The following ERC1 variants were observed in gnomAD, a reference collection of about 807,000 sequenced individuals.
ERC1 encodes the protein ELKS/RAB6-interacting/CAST family member 1, also known as RAB6 interacting protein 2.
Under a neutral mutation model 132.0 loss-of-function variants are expected in ERC1, and 56 were observed. The ratio of observed to expected loss-of-function variants is 0.42; its 90% CI spans 0.34 to 0.53. The LOEUF (loss-of-function observed/expected upper bound fraction) is 0.53. Among genes scored for constraint, ERC1 ranks in the 20% least tolerant of loss-of-function variants. The pLI is 0.03. For synonymous variants in ERC1, 478 were observed against 476.1 expected (o/e 1.00, Z -0.05); for missense variants, 1,202 against 1,349.9 (o/e 0.89, Z 1.72).
intron 2 of ERC1, among the ~76,000 whole-genome samples, chr12:1,036,313 T>C (rs1969064405): frequency 6.6e-6 from 1 of 152,078 alleles, no homozygotes; most frequent in African/African-American, 2.4e-5. Context: ...ATTTATATAA[T>C]TTTAGGTTGT....
intron 2 of ERC1, among the ~76,000 whole-genome samples, chr12:1,047,024 C>T (rs1592927944): frequency 6.6e-6 from 1 of 152,312 alleles, no homozygotes; most frequent in East Asian, 1.9e-4. Context: ...GCATTAATTA[C>T]TTCATGATGC....
chr12:1,291,281 G>A (rs1000621861), intron 15 of ERC1, among the ~76,000 whole-genome samples: 5 of 152,142 alleles, frequency 3.3e-5, no homozygotes, highest in Admixed American at 6.5e-5. Flanking sequence ...AAGTGAAGCC[G>A]GAAGTGGATT....
intron 12 of ERC1, among the ~76,000 whole-genome samples, chr12:1,233,113 C>T (rs1167769485): frequency 1.3e-5 from 2 of 152,142 alleles, no homozygotes; most frequent in East Asian, 3.8e-4. Context: ...GTGAACTCTA[C>T]ACACAGAAGA....
At position 1,213,720 on chromosome 12, in the gene ERC1, A is replaced by G. The variant is rs1958096015; in HGVS notation, c.2352-23049A>G. Reference sequence around the variant, plus strand: ...GCCACTGCACTCCACCCTAGGCGACATAGCAAGACTCCATCTCAAAAAAAA... The same window carrying G: ...GCCACTGCACTCCACCCTAGGCGACGTAGCAAGACTCCATCTCAAAAAAAA... On this transcript the variant is annotated intron_variant, in intron 12 of 18. Transcript: ENST00000360905. Among the ~76,000 whole-genome samples, 5 of 147,440 alleles carry G rather than the reference A, an allele frequency of 3.4e-5. No individual in the cohort carries two copies. The South Asian group carries it at 8.8e-4, about 26-fold the overall frequency.
chr12:1,240,071 A>G (rs2075693410), intron 13 of ERC1, among the ~76,000 whole-genome samples: 1 of 152,238 alleles, frequency 6.6e-6, no homozygotes, highest in African/African-American at 2.4e-5. Flanking sequence ...AAGGATGGAC[A>G]GAGGAGCAAG....
rs190001443 is a variant in ERC1, at chr12:1,363,324, T to C, written c.2781-8509T>C. ...GTCTTCTAAACTTGCCATAATCTTA[T>C]GAACATGCTCATTTTTCAGAAAAGG... On this transcript the variant is annotated intron_variant, in intron 15 of 18. Coordinates refer to ENST00000360905, the MANE Select transcript of ERC1 (RefSeq NM_178040.4). Among the ~76,000 whole-genome samples the C allele has an allele frequency of 6.5e-3, 992 of 152,282 alleles. 11 individuals are homozygous for C. Among genetic ancestry groups the C allele is most frequent in the African/African-American group, 0.023 (951 of 41,562 alleles).
At chr12:1,479,762 G>T (rs1405803901) in intron 18 of ERC1, among the ~76,000 whole-genome samples, 2 of 152,094 alleles carry the variant, frequency 1.3e-5, no homozygotes, top group African/African-American at 4.8e-5. Flanking sequence ...CAGGAGTGTG[G>T]GTGCTCCTGA....
chr12:1,216,004 T>C (rs947113773), intron 12 of ERC1, among the ~76,000 whole-genome samples: 3 of 152,174 alleles, frequency 2.0e-5, no homozygotes, highest in South Asian at 2.1e-4. Context: ...CAGAATCTTA[T>C]TGGTTAAAGA....
intron 2 of ERC1, among the ~76,000 whole-genome samples, chr12:1,041,508 A>C (rs2154160316): frequency 6.6e-6 from 1 of 152,228 alleles, no homozygotes; most frequent in African/African-American, 2.4e-5. Flanking sequence ...TACCCAGCCT[A>C]GTTTTGCATG....
intron 2 of ERC1, among the ~76,000 whole-genome samples, chr12:1,029,791 A>G (rs777309973): frequency 7.9e-6 from 1 of 127,200 alleles, no homozygotes; most frequent in African/African-American, 2.9e-5. Flanking sequence ...TCTGTCTCCC[A>G]GGCTGAAGTA....
intron 12 of ERC1, among the ~76,000 whole-genome samples, chr12:1,224,384 T>TA (rs1456476910): frequency 2.6e-5 from 4 of 152,348 alleles, no homozygotes; most frequent in South Asian, 2.1e-4. Context: ...CCATTTTATC[T>TA]TGATAGTCAT....
At chr12:1,434,530 C>A (rs531024766) in intron 17 of ERC1, among the ~76,000 whole-genome samples, 19 of 152,298 alleles carry the variant, frequency 1.2e-4, no homozygotes, top group South Asian at 4.1e-4. Context: ...AGTATCAGTC[C>A]GTTCTGTCAA....
At chr12:1,082,141 C>T (rs977914528) in intron 2 of ERC1, among the ~76,000 whole-genome samples, 6 of 151,994 alleles carry the variant, frequency 3.9e-5, no homozygotes, top group Non-Finnish European at 7.4e-5. Context: ...AATTCTTCTG[C>T]CTCAGCCTCC....
chr12:1,102,331 G>A (rs1175696679), intron 3 of ERC1, among the ~76,000 whole-genome samples: 2 of 152,140 alleles, frequency 1.3e-5, no homozygotes, highest in Non-Finnish European at 2.9e-5. Context: ...GAGAGGAGAA[G>A]TAATTTTTAA....
chr12:1,056,620 C>T (rs1973020333), intron 2 of ERC1, among the ~76,000 whole-genome samples: 1 of 152,152 alleles, frequency 6.6e-6, no homozygotes, highest in African/African-American at 2.4e-5. Context: ...TGGCCACCCC[C>T]ACCCTAATCT....
chr12:1,353,061 C>T (rs1266233327), intron 15 of ERC1, among the ~76,000 whole-genome samples: 19 of 141,370 alleles, frequency 1.3e-4, no homozygotes, highest in South Asian at 4.5e-4. Flanking sequence ...GATGGAGTCT[C>T]GCTTTATCAC....
chr12:1,002,536 G>A (rs1962601943), intron 1 of ERC1, among the ~76,000 whole-genome samples: 1 of 151,910 alleles, frequency 6.6e-6, no homozygotes, highest in Non-Finnish European at 1.5e-5. Flanking sequence ...TTGTGTATTT[G>A]GCCAGGAGTG....
intron 1 of ERC1, among the ~76,000 whole-genome samples, chr12:1,008,633 T>G (rs986360741): frequency 9.0e-6 from 1 of 111,150 alleles, no homozygotes; most frequent in Non-Finnish European, 2.3e-5. Flanking sequence ...ATAGTATATC[T>G]TAATTGAAAT....
At chr12:1,163,602 T>G (rs1431628666) in intron 8 of ERC1, among the ~76,000 whole-genome samples, 1 of 152,232 alleles carries the variant, frequency 6.6e-6, no homozygotes, top group African/African-American at 2.4e-5. Context: ...ATTTGTGTAT[T>G]TTCACCTGGA....
Sources: allele counts gnomAD v4.1 joint callset (sites outside exome capture counted in the v4.1 genomes callset), GRCh38; gene constraint gnomAD v4.1.1; transcripts MANE v1.5; gene names NCBI Gene and HGNC (gene_info 2026-07-23, HGNC 2026-07-21).